The following TOX variants were observed in gnomAD, a reference collection of about 807,000 sequenced individuals.
The protein encoded by TOX is thymocyte selection associated high mobility group box, also known as thymocyte selection-associated high mobility group box protein TOX.
In TOX, 11 loss-of-function variants were observed where a neutral mutation model predicts 53.7. The observed-to-expected ratio is 0.20, with a 90% CI of 0.13 to 0.34. The LOEUF (loss-of-function observed/expected upper bound fraction) is 0.34. TOX is among the 10% of genes least tolerant of loss of function. The pLI is 1.00. For synonymous variants in TOX, 225 were observed against 245.3 expected (o/e 0.92, Z 0.77); for missense variants, 570 against 664.6 (o/e 0.86, Z 1.56).
At chr8:59,036,947 G>T (rs940119888) in intron 1 of TOX, among the ~76,000 whole-genome samples, 8 of 152,266 alleles carry the variant, frequency 5.3e-5, no homozygotes, top group South Asian at 2.1e-4. Context: ...TCATGAAGAG[G>T]CCTTCAAAAC....
In TOX at chr8:58,933,121, G is replaced by A. The variant is rs114827578; in HGVS notation, c.411+6181C>T. Among the ~76,000 whole-genome samples the A allele has an allele frequency of 2.9e-3, 435 of 152,222 alleles. 2 individuals are homozygous for A. The highest frequency in any genetic ancestry group is 9.5e-3 in the African/African-American group (395 of 41,540). ...TCTACAAAAAGCCCAGGTTCTAAAC[G>A]AATCCTTTCTTTGAGGCCATTCTAA... On this transcript the variant is annotated intron_variant, in intron 3 of 8. Coordinates refer to ENST00000361421, the MANE Select transcript of TOX (RefSeq NM_014729.3).
intron 2 of TOX, among the ~76,000 whole-genome samples, chr8:58,953,892 T>C (rs1812667540): frequency 6.6e-6 from 1 of 152,190 alleles, no homozygotes; most frequent in Non-Finnish European, 1.5e-5. Context: ...AAAAATATAC[T>C]TTCTAGGCCC....
At chr8:58,858,995 A>G (rs1193759658) in intron 3 of TOX, among the ~76,000 whole-genome samples, 1 of 152,228 alleles carries the variant, frequency 6.6e-6, no homozygotes, top group Non-Finnish European at 1.5e-5. Context: ...AATGTATACA[A>G]CAGAATAAAT....
chr8:58,888,710 T>TGTATAGGAACAGATAGTATAGGA lies in TOX; in HGVS notation c.412-36906_412-36905insTCCTATACTATCTGTTCCTATAC, dbSNP rs1171298259. On this transcript the variant is annotated intron_variant, in intron 3 of 8. Transcript: ENST00000361421. The stretch of plus-strand genomic sequence containing the variant: ...AATATTAGTATAGGAATAAAAAGAC[T>TGTATAGGAACAGATAGTATAGGA]ACAGAATAGAAAATCTGGAAATAGG... Among the ~76,000 whole-genome samples, 85 of 151,980 alleles carry TGTATAGGAACAGATAGTATAGGA rather than the reference T, an allele frequency of 5.6e-4. 1 individual carries two copies. The highest frequency in any genetic ancestry group is 3.4e-3 in the Middle Eastern group (1 of 294).
intron 1 of TOX, among the ~76,000 whole-genome samples, chr8:59,114,487 A>T (rs1805068491): frequency 6.6e-6 from 1 of 152,216 alleles, no homozygotes; most frequent in African/African-American, 2.4e-5. Context: ...TTACATAGGC[A>T]TTTATTTAAA....
At chr8:58,999,425 G>A (rs1036352978) in intron 1 of TOX, among the ~76,000 whole-genome samples, 2 of 151,964 alleles carry the variant, frequency 1.3e-5, no homozygotes, top group Non-Finnish European at 2.9e-5. Context: ...AAGAAACTAA[G>A]AAGTCAACAA....
chr8:58,981,421 C>G (rs1813203882), intron 1 of TOX, among the ~76,000 whole-genome samples: 1 of 152,114 alleles, frequency 6.6e-6, no homozygotes, highest in South Asian at 2.1e-4. Context: ...TCATTTCCCT[C>G]CATCTGCCTT....
At chr8:58,864,694 T>C (rs1811066473) in intron 3 of TOX, among the ~76,000 whole-genome samples, 1 of 152,178 alleles carries the variant, frequency 6.6e-6, no homozygotes, top group Non-Finnish European at 1.5e-5. Flanking sequence ...TGCCTTTCAC[T>C]TGTTAGTAAA....
intron 1 of TOX, among the ~76,000 whole-genome samples, chr8:58,994,625 T>C (rs1813525451): frequency 6.6e-6 from 1 of 152,126 alleles, no homozygotes; most frequent in Admixed American, 6.5e-5. Context: ...AGGATACATA[T>C]AAAGTAATGC....
rs552590114 is a variant in TOX, at chr8:58,843,094, A to G, written c.694-4783T>C. ...TATGGTGTTGCCCCCATTAAAGCAG[A>G]CTACCAGCCAGTCTTATAAGATTAT... On this transcript the variant is annotated intron_variant, in intron 4 of 8. Coordinates refer to ENST00000361421, the MANE Select transcript of TOX (RefSeq NM_014729.3). Among the ~76,000 whole-genome samples, 86 of 152,330 alleles carry G rather than the reference A, an allele frequency of 5.6e-4. 1 individual carries two copies. Among genetic ancestry groups the G allele is most frequent in the Middle Eastern group, 3.4e-3 (1 of 294 alleles).
At position 58,939,461 on chromosome 8, in the gene TOX, C is replaced by T. The variant is rs1392335070; in HGVS notation, c.252G>A (p.Val84=). 1 of 1,614,150 alleles carries T rather than the reference C, an allele frequency of 6.2e-7. No individual in the cohort carries two copies. The highest frequency in any genetic ancestry group is 8.5e-7 in the Non-Finnish European group (1 of 1,180,026). ...AACCAGACTCAACTTCATTCAGGTG[C>T]ACCAGCGAGTGGTCTGGGAGGGAAG... ...TPPSLPDHSL[V]HLNEVESGYH... The change falls in exon 3 of 9, where the codon GTG becomes GTA. Residue 84 remains valine, a synonymous_variant. Transcript: ENST00000361421.
chr8:58,994,818 T>C (rs1341803135), intron 1 of TOX, among the ~76,000 whole-genome samples: 1 of 152,158 alleles, frequency 6.6e-6, no homozygotes, highest in Admixed American at 6.5e-5. Flanking sequence ...ACAGCTAACC[T>C]GACAGGGTGG....
chr8:58,948,334 G>A (rs1279726842), intron 2 of TOX, among the ~76,000 whole-genome samples: 2 of 152,078 alleles, frequency 1.3e-5, no homozygotes, highest in African/African-American at 2.4e-5. Context: ...GCTTTCTCCC[G>A]CCATAATTCA....
At chr8:58,830,624 A>C (rs1477857511) in intron 5 of TOX, among the ~76,000 whole-genome samples, 2 of 152,164 alleles carry the variant, frequency 1.3e-5, no homozygotes, top group Non-Finnish European at 2.9e-5. Flanking sequence ...TCATATAGAA[A>C]AGCAAAATCT....
At chr8:58,955,766 C>T (rs1176105790) in intron 2 of TOX, among the ~76,000 whole-genome samples, 1 of 148,498 alleles carries the variant, frequency 6.7e-6, no homozygotes, top group Non-Finnish European at 1.5e-5. Context: ...ACAGAGTCTC[C>T]TTCTGTCACC....
intron 5 of TOX, among the ~76,000 whole-genome samples, chr8:58,828,713 TA>T (rs1201873437): frequency 1.3e-5 from 2 of 152,138 alleles, no homozygotes; most frequent in East Asian, 3.8e-4. Flanking sequence ...TTCATTGATT[TA>T]TTTTTTTTTG....
In TOX at chr8:58,815,552, G is replaced by A; in HGVS notation, c.1178C>T (p.Pro393Leu). Reference sequence around the variant, plus strand: ...ATTCGGCTTGGGGGCTATGTTCCTGGGGAGACTAGGATGCATGGCAGTTAG... The same window carrying A: ...ATTCGGCTTGGGGGCTATGTTCCTGAGGAGACTAGGATGCATGGCAGTTAG... ...PHLTAMHPSL[P>L]RNIAPKPNNQ... Residue 393 changes from proline (P) to leucine (L), a missense_variant, in exon 7 of 9, where the codon CCC (proline) becomes CTC (leucine). This residue lies in a region of TOX where 239 missense variants were observed against 250.7 expected (regional missense o/e 0.95). Transcript: ENST00000361421. 1 of 1,614,116 alleles carries A rather than the reference G, an allele frequency of 6.2e-7. No homozygotes were observed. The highest frequency in any genetic ancestry group is 8.5e-7 in the Non-Finnish European group (1 of 1,180,002).
At chr8:59,052,057 A>G (rs1803799799) in intron 1 of TOX, among the ~76,000 whole-genome samples, 1 of 152,230 alleles carries the variant, frequency 6.6e-6, no homozygotes, top group Non-Finnish European at 1.5e-5. Context: ...ATGATCCTAC[A>G]TAAGACAAAG....
chr8:59,033,912 A>G (rs1814408000), intron 1 of TOX, among the ~76,000 whole-genome samples: 1 of 152,202 alleles, frequency 6.6e-6, no homozygotes, highest in African/African-American at 2.4e-5. Flanking sequence ...CACTGACAGT[A>G]ATTTCTTAGC....
Sources: gnomAD v4.1 joint callset for allele counts (sites outside exome capture counted in the v4.1 genomes callset) on GRCh38, gnomAD v4.1.1 for gene constraint, gnomAD v4.1.1 regional missense constraint, MANE v1.5 for transcripts, NCBI Gene and HGNC (gene_info 2026-07-23, HGNC 2026-07-21) for gene names.